Variants in TBC1D23 observed in about 807,000 individuals in gnomAD.
TBC1D23 encodes TBC1 domain family member 23.
In TBC1D23, 55 loss-of-function variants were observed where a neutral mutation model predicts 91.4. The observed-to-expected ratio is 0.60, with a 90% CI of 0.48 to 0.75. The LOEUF is 0.75. TBC1D23 is among the 30% of genes least tolerant of loss of function. The pLI, the probability that TBC1D23 is intolerant of heterozygous loss-of-function variation, is 0.00. For synonymous variants in TBC1D23, 289 were observed against 281.0 expected, an observed-to-expected ratio of 1.03 and a Z score of -0.28; for missense variants, 725 against 836.1, an observed-to-expected ratio of 0.87 and a Z score of 1.64.
At chr3:100,297,882 A>ATTT (rs3832199) in intron 8 of TBC1D23, 41 bp from the exon 9 acceptor site, 18 of 1,410,252 alleles carry the variant, frequency 1.3e-5, no homozygotes, top group South Asian at 4.0e-5. Flanking sequence ...AGAAAGTTTG[A>ATTT]TTTTTTTTTT....
chr3:100,281,543 GAAATATC>G (rs1237219755), intron 2 of TBC1D23, among the ~76,000 whole-genome samples, 192 bp from the exon 3 acceptor site: 4 of 152,098 alleles, frequency 2.6e-5, no homozygotes, highest in African/African-American at 9.7e-5. Context: ...TCAACATGAA[GAAATATC>G]TAATGTAGGA....
intron 1 of TBC1D23, among the ~76,000 whole-genome samples, chr3:100,271,338 C>T (rs1376017986): frequency 3.9e-5 from 6 of 152,114 alleles, no homozygotes; most frequent in African/African-American, 9.7e-5. Flanking sequence ...AAAGGGAGAA[C>T]GTGGAGACGT....
At chr3:100,272,667 AT>A (rs1489504322) in intron 1 of TBC1D23, among the ~76,000 whole-genome samples, 11 of 152,190 alleles carry the variant, frequency 7.2e-5, no homozygotes, top group Admixed American at 7.2e-4. Flanking sequence ...CTTAGTATTT[AT>A]TGATCATTTT....
chr3:100,281,868 C>G lies in TBC1D23; in HGVS notation c.271+21C>G, dbSNP rs771021386. The G allele has an allele frequency of 2.0e-6, 3 of 1,471,860 alleles. No homozygotes were observed. In the African/African-American group the frequency reaches 4.2e-5, roughly 21 times the overall value. 91.2% of individuals were successfully genotyped at this position (1,471,860 alleles called of 1,614,324 possible). On this transcript the variant is annotated intron_variant, in intron 3 of 18. Transcript: ENST00000394144. ...TATTGGTAAGCTGAATAATCACTTT[C>G]AAGCAGAGTTAAATTTTGGAAATAA... is the stretch of plus-strand genomic sequence containing the variant.
chr3:100,265,317 G>A (rs1010246801), intron 1 of TBC1D23, among the ~76,000 whole-genome samples: 1 of 152,280 alleles, frequency 6.6e-6, no homozygotes, highest in African/African-American at 2.4e-5. Flanking sequence ...TTGGTATAAT[G>A]CTTATTCTTT....
At chr3:100,311,004 ACCCC>A (rs1004100592) in intron 14 of TBC1D23, among the ~76,000 whole-genome samples, 1 of 152,168 alleles carries the variant, frequency 6.6e-6, no homozygotes, top group Non-Finnish European at 1.5e-5. Flanking sequence ...CGTTTACAAA[ACCCC>A]ATTTCCTTGT....
rs1300437398 is a variant in TBC1D23, at chr3:100,324,134, G to T, written c.*466G>T. 6.6e-6 allele frequency: 1 copy of T among 152,090 alleles called. No homozygotes were observed. The highest frequency in any genetic ancestry group is 1.9e-4 in the East Asian group (1 of 5,200). The allele number at this position is 152,090 out of a possible 1,614,324, so 9.4% of individuals were successfully genotyped here. A position where few individuals can be genotyped will look rare whatever the true frequency, so the allele number is the denominator to read the frequency against. On this transcript the variant is annotated 3_prime_UTR_variant, in exon 19 of 19. Coordinates refer to ENST00000394144, the MANE Select transcript of TBC1D23 (RefSeq NM_001199198.3). ...GAGCAATATCAGAAACTAAAACATA[G>T]ATTAATAATTCACTCACTGTTTCTA...
At chr3:100,309,704 C>G (rs1419388470) in intron 13 of TBC1D23, among the ~76,000 whole-genome samples, 2 of 150,888 alleles carry the variant, frequency 1.3e-5, no homozygotes, top group Non-Finnish European at 2.9e-5. Context: ...CTCCACCTCA[C>G]AGGTTCAAGC....
chr3:100,308,734 T>C (rs1246961552), intron 13 of TBC1D23, among the ~76,000 whole-genome samples: 1 of 152,220 alleles, frequency 6.6e-6, no homozygotes, highest in African/African-American at 2.4e-5. Context: ...TAAAATGCTA[T>C]TTAAAAATAA....
intron 15 of TBC1D23, chr3:100,315,848 A>C (rs1705734293): frequency 1.0e-5 from 5 of 488,704 alleles, no homozygotes; most frequent in African/African-American, 9.6e-5. Flanking sequence ...GAAATTGTTT[A>C]AAATTTAATT....
intron 4 of TBC1D23, among the ~76,000 whole-genome samples, chr3:100,289,495 T>C (rs1450051371): frequency 6.6e-6 from 1 of 152,198 alleles, no homozygotes; most frequent in East Asian, 1.9e-4. Flanking sequence ...AAAGAGGAAG[T>C]AACTATACTT....
chr3:100,295,155 A>C lies in TBC1D23; in HGVS notation c.669A>C (p.Gln223His). The change falls in exon 6 of 19, where the codon CAA becomes CAC. Residue 223 changes from glutamine (Q) to histidine (H), a missense_variant. By Grantham distance (24) the Gln-to-His change is conservative (BLOSUM62 0). Transcript: ENST00000394144. ...VTQAIWDGYLQQADPFFIYFL... is the reference protein window; with the variant it reads ...VTQAIWDGYLHQADPFFIYFL... ...AGGCAATATGGGATGGATATCTACAACAAGCAGATCCATTTTTTATTTATT... is the reference window on the plus strand; with the variant it reads ...AGGCAATATGGGATGGATATCTACACCAAGCAGATCCATTTTTTATTTATT... The C allele has an allele frequency of 6.2e-7, 1 of 1,605,794 alleles. No individual in the cohort carries two copies. The highest frequency in any genetic ancestry group is 8.5e-7 in the Non-Finnish European group (1 of 1,175,946).
chr3:100,307,872 C>T (rs1705541165), intron 13 of TBC1D23, among the ~76,000 whole-genome samples: 1 of 151,984 alleles, frequency 6.6e-6, no homozygotes, highest in African/African-American at 2.4e-5. Flanking sequence ...TTGCATATGC[C>T]ATGATTATTT....
chr3:100,323,061 A>G (rs921661888), intron 18 of TBC1D23, among the ~76,000 whole-genome samples: 1 of 152,216 alleles, frequency 6.6e-6, no homozygotes, highest in Non-Finnish European at 1.5e-5. Flanking sequence ...TTCAGACCTC[A>G]TAACGCCATT....
At chr3:100,268,459 T>G (rs2067574850) in intron 1 of TBC1D23, among the ~76,000 whole-genome samples, 1 of 152,224 alleles carries the variant, frequency 6.6e-6, no homozygotes, top group African/African-American at 2.4e-5. Context: ...ATAGTACCCT[T>G]GAGAATTGTC....
intron 2 of TBC1D23, among the ~76,000 whole-genome samples, chr3:100,281,140 C>G (rs1160940196): frequency 1.3e-5 from 2 of 152,082 alleles, no homozygotes; most frequent in Non-Finnish European, 2.9e-5. Flanking sequence ...CCAGCCTGAG[C>G]AAGAGAGCGA....
intron 1 of TBC1D23, among the ~76,000 whole-genome samples, chr3:100,269,572 A>G (rs2067584599): frequency 6.6e-6 from 1 of 152,162 alleles, no homozygotes; most frequent in Non-Finnish European, 1.5e-5. Context: ...GGTATTTAAA[A>G]ATAAGTTGCA....
At chr3:100,314,535 A>T (rs1486356038) in intron 15 of TBC1D23, among the ~76,000 whole-genome samples, 1 of 152,158 alleles carries the variant, frequency 6.6e-6, no homozygotes, top group Non-Finnish European at 1.5e-5. Context: ...TGGGAGGCTG[A>T]GGTGGGAGGA....
intron 5 of TBC1D23, among the ~76,000 whole-genome samples, chr3:100,293,753 C>T (rs1023725219): frequency 6.6e-6 from 1 of 152,150 alleles, no homozygotes; most frequent in African/African-American, 2.4e-5. Context: ...GTTCCCAACA[C>T]CACTCACTAG....
Sources: gnomAD v4.1 joint callset for allele counts (sites outside exome capture counted in the v4.1 genomes callset) on GRCh38, gnomAD v4.1.1 for gene constraint, MANE v1.5 for transcripts, NCBI Gene and HGNC (gene_info 2026-07-23, HGNC 2026-07-21) for gene names.